DNER: variants seen among roughly 807,000 people sequenced by gnomAD.
DNER encodes the protein delta/notch like EGF repeat containing.
A neutral mutation model predicts 78.2 loss-of-function variants in DNER; 33 were observed. The observed-to-expected ratio is 0.42, with a 90% CI of 0.32 to 0.56. DNER has a LOEUF of 0.56. DNER is among the 20% of genes least tolerant of loss of function. The pLI is 0.11. For missense variants in DNER, 918 were observed against 975.3 expected (o/e 0.94, Z 0.78); for synonymous variants, 417 against 384.8 (o/e 1.08, Z -0.98).
chr2:229,696,665 C>G (rs368148994), intron 1 of DNER, among the ~76,000 whole-genome samples: 5 of 152,232 alleles, frequency 3.3e-5, no homozygotes, highest in African/African-American at 1.2e-4. Context: ...AGCCAGAGAA[C>G]AAAGCTTCCC....
At chr2:229,387,511 GAAAGAA>G (rs1553602531) in intron 11 of DNER, among the ~76,000 whole-genome samples, 256 of 39,914 alleles carry the variant, frequency 6.4e-3, no homozygotes, top group African/African-American at 0.021. Flanking sequence ...AAGAAAGAGA[GAAAGAA>G]AGAAAGAAAG....
chr2:229,670,000 G>A (rs1471306826), intron 1 of DNER, among the ~76,000 whole-genome samples: 2 of 152,156 alleles, frequency 1.3e-5, no homozygotes, highest in African/African-American at 4.8e-5. Context: ...TCAGCATCCT[G>A]CCTTCAGATC....
chr2:229,399,746 C>T (rs954525372), intron 10 of DNER, among the ~76,000 whole-genome samples: 2 of 151,854 alleles, frequency 1.3e-5, no homozygotes, highest in Non-Finnish European at 2.9e-5. Flanking sequence ...TGATTTTTGA[C>T]GAAAGTTCAA....
At chr2:229,707,292 C>T (rs1247506905) in intron 1 of DNER, among the ~76,000 whole-genome samples, 1 of 149,856 alleles carries the variant, frequency 6.7e-6, no homozygotes, top group African/African-American at 2.5e-5. Context: ...GCCTCAGTCT[C>T]CTAAAGTGCT....
At position 229,703,607 on chromosome 2, in the gene DNER, G is replaced by A. The variant is rs191538844; in HGVS notation, c.276+10541C>T. Among the ~76,000 whole-genome samples the A allele has an allele frequency of 9.4e-4, 143 of 152,328 alleles. 1 individual carries two copies. The highest frequency in any genetic ancestry group is 3.1e-4 in the Non-Finnish European group (21 of 68,040). On this transcript the variant is annotated intron_variant, in intron 1 of 12. Transcript: ENST00000341772. ...GTTAAGAAAAGGAAGGGCTGGGCAC[G>A]GTGGCTGATGCATGTAGTCCTAGCA...
intron 7 of DNER, among the ~76,000 whole-genome samples, chr2:229,475,065 C>G (rs1695002528): frequency 6.6e-6 from 1 of 152,204 alleles, no homozygotes; most frequent in African/African-American, 2.4e-5. Flanking sequence ...GAAATAGCTA[C>G]TATGAATTCA....
At chr2:229,519,153 C>G (rs564282542) in intron 5 of DNER, among the ~76,000 whole-genome samples, 1 of 151,920 alleles carries the variant, frequency 6.6e-6, no homozygotes, top group Non-Finnish European at 1.5e-5. Context: ...AATATAGAGC[C>G]AAATATCATG....
intron 11 of DNER, among the ~76,000 whole-genome samples, chr2:229,379,123 T>C (rs928225442): frequency 1.3e-5 from 2 of 152,150 alleles, no homozygotes; most frequent in Non-Finnish European, 2.9e-5. Context: ...ATGTACCCTA[T>C]CACACCCAGC....
chr2:229,482,712 G>C (rs1223570529), intron 6 of DNER, among the ~76,000 whole-genome samples: 1 of 152,190 alleles, frequency 6.6e-6, no homozygotes, highest in East Asian at 1.9e-4. Flanking sequence ...CTGAGATGGA[G>C]AAATTACTGA....
intron 7 of DNER, among the ~76,000 whole-genome samples, chr2:229,451,898 C>T (rs560448476): frequency 6.6e-6 from 1 of 152,206 alleles, no homozygotes; most frequent in South Asian, 2.1e-4. Context: ...TGTCAATATA[C>T]TCAGTTATAA....
rs114522117 is a variant in DNER at position 229,496,090 on chromosome 2, C to G, written c.1147+16693G>C. Among the ~76,000 whole-genome samples, 940 of 152,258 alleles carry G rather than the reference C, an allele frequency of 6.2e-3. 10 individuals are homozygous for G. Among genetic ancestry groups the G allele is most frequent in the African/African-American group, 0.021 (857 of 41,540 alleles). ...AGAGACCTCAAAGCTTCTGATATAG[C>G]CTATGTCAGGTCAATGTAATGGAAA... On this transcript the variant is annotated intron_variant, in intron 6 of 12. Transcript: ENST00000341772.
intron 1 of DNER, among the ~76,000 whole-genome samples, chr2:229,665,726 A>ACCCC (rs1699081901): frequency 6.6e-6 from 1 of 152,228 alleles, no homozygotes. Context: ...ATGGGGCCTA[A>ACCCC]TATAGATTCC....
chr2:229,610,552 C>G (rs1408352507), intron 1 of DNER, among the ~76,000 whole-genome samples: 1 of 152,206 alleles, frequency 6.6e-6, no homozygotes, highest in Non-Finnish European at 1.5e-5. Context: ...TTTCCTCAAC[C>G]GCCGACAGTG....
chr2:229,677,407 T>C lies in DNER; in HGVS notation c.276+36741A>G, dbSNP rs116738545. Among the ~76,000 whole-genome samples, 1,147 of 152,302 alleles carry C rather than the reference T, an allele frequency of 7.5e-3. 10 individuals are homozygous for C. The highest frequency in any genetic ancestry group is 0.026 in the African/African-American group (1,086 of 41,568). ...GCCAATTCAAGCTCTCCCATCATCA[T>C]AGATTTCAAGGGTGTTTTTAAGGTT... On this transcript the variant is annotated intron_variant, in intron 1 of 12. Coordinates refer to ENST00000341772, the MANE Select transcript of DNER (RefSeq NM_139072.4).
chr2:229,415,270 C>T (rs1318664470), intron 9 of DNER, among the ~76,000 whole-genome samples: 4 of 152,094 alleles, frequency 2.6e-5, no homozygotes, highest in African/African-American at 4.8e-5. Context: ...CCTACAGCCA[C>T]GAGGATATAA....
rs1313898510 is a variant in DNER, at chr2:229,509,029, GT to G, written c.1147+3753del. ...GATGAACAAAGGAGGAGCCTATAAG[GT>G]TAGTTGTCAGAAACAACTTCTGTTT... On this transcript the variant is annotated intron_variant, in intron 6 of 12. Transcript: ENST00000341772. Among the ~76,000 whole-genome samples the G allele has an allele frequency of 2.6e-5, 4 of 152,320 alleles. No homozygotes were observed. In the East Asian group the frequency reaches 7.7e-4, roughly 29 times the overall value.
In DNER at chr2:229,679,993, A is replaced by G. The variant is rs147418327; in HGVS notation, c.276+34155T>C. Among the ~76,000 whole-genome samples the G allele has an allele frequency of 8.0e-3, 1,220 of 152,300 alleles. 10 individuals are homozygous for G. The highest frequency in any genetic ancestry group is 0.058 in the Middle Eastern group (17 of 294). ...AAAAGCAACCTGACTCATTTGAAAAAGGCTATAAAAGTTGGGTCTCTCCCA... is the reference window on the plus strand; with the variant it reads ...AAAAGCAACCTGACTCATTTGAAAAGGGCTATAAAAGTTGGGTCTCTCCCA... On this transcript the variant is annotated intron_variant, in intron 1 of 12. Coordinates refer to ENST00000341772, the MANE Select transcript of DNER (RefSeq NM_139072.4).
intron 9 of DNER, among the ~76,000 whole-genome samples, chr2:229,416,177 G>A (rs532999176): frequency 2.0e-4 from 31 of 152,256 alleles, no homozygotes; most frequent in African/African-American, 6.3e-4. Flanking sequence ...CTTTTCACTC[G>A]TGGTTTCCAC....
intron 7 of DNER, among the ~76,000 whole-genome samples, chr2:229,457,516 C>A (rs145624936): frequency 7.2e-5 from 11 of 151,860 alleles, no homozygotes; most frequent in African/African-American, 2.7e-4. Context: ...CTAAAACAGA[C>A]GCAACAAAAA....
Sources: gnomAD v4.1 joint callset for allele counts (sites outside exome capture counted in the v4.1 genomes callset) on GRCh38, gnomAD v4.1.1 for gene constraint, MANE v1.5 for transcripts, NCBI Gene and HGNC (gene_info 2026-07-23, HGNC 2026-07-21) for gene names.